Variants in BCHE observed in about 807,000 individuals in gnomAD.
BCHE encodes the protein cholinesterase.
A neutral mutation model predicts 51.3 loss-of-function variants in BCHE; 48 were observed. That is an observed-to-expected ratio of 0.94 (90% CI 0.74 to 1.19). The LOEUF is 1.19. BCHE is among the 50% of genes most tolerant of loss of function. The probability of loss-of-function intolerance (pLI) is 0.00; values close to 1 mark genes in which losing one functional copy is unlikely to be tolerated. For missense variants in BCHE, 847 were observed against 708.2 expected (o/e 1.20, Z -2.23); for synonymous variants, 251 against 238.0 (o/e 1.05, Z -0.50).
chr3:165,798,718 G>A (rs1448417950), intron 2 of BCHE, among the ~76,000 whole-genome samples: 1 of 152,092 alleles, frequency 6.6e-6, no homozygotes, highest in East Asian at 1.9e-4. Context: ...GTGTTGTGGT[G>A]TGTGCTTATA....
rs1344274332 is a variant in BCHE at position 165,772,918 on chromosome 3, TATTTTA to T, written c.*458_*463del. 2 of 152,520 alleles carry T rather than the reference TATTTTA, an allele frequency of 1.3e-5. No individual in the cohort carries two copies. The highest frequency in any genetic ancestry group is 2.9e-5 in the Non-Finnish European group (2 of 68,182). 9.4% of individuals were successfully genotyped at this position (152,520 alleles called of 1,614,324 possible). A position where few individuals can be genotyped will look rare whatever the true frequency, so the allele number is the denominator to read the frequency against. ...AAAGAGACCAATGATTTTCTGTGCTTATTTTAATATCTCATATTGACATTCAATTCT... is the reference window on the plus strand; with the variant it reads ...AAAGAGACCAATGATTTTCTGTGCTTATATCTCATATTGACATTCAATTCT... On this transcript the variant is annotated 3_prime_UTR_variant, in exon 4 of 4. Transcript: ENST00000264381.
intron 3 of BCHE, chr3:165,778,155 A>G (rs1380911932): frequency 6.5e-6 from 1 of 153,040 alleles, no homozygotes; most frequent in South Asian, 2.0e-4. Flanking sequence ...CCAAATTTGC[A>G]TTCAGAGGCA....
intron 2 of BCHE, among the ~76,000 whole-genome samples, chr3:165,813,453 G>T (rs1186865481): frequency 6.6e-6 from 1 of 151,244 alleles, no homozygotes; most frequent in Non-Finnish European, 1.5e-5. Context: ...TCTAAAGTAG[G>T]TTCAAACCTC....
At chr3:165,797,218 T>C (rs1300711309) in intron 2 of BCHE, among the ~76,000 whole-genome samples, 17 of 3,038 alleles carry the variant, frequency 5.6e-3, no homozygotes, top group Non-Finnish European at 6.3e-3. Flanking sequence ...CCTTCCCTCC[T>C]TCCCTCCTTC....
chr3:165,830,455 G>A lies in BCHE; in HGVS notation c.579C>T (p.Asn193=), dbSNP rs746911409. The change falls in exon 2 of 4, where the codon AAC becomes AAT. Residue 193 remains asparagine, a synonymous_variant. Transcript: ENST00000264381. ...CCAACTGTTGATCAAATAAACCCAT[G>A]TTCCCTGGAGCCTCAGGATTTCCTG... is the stretch of plus-strand genomic sequence containing the variant. ...ALPGNPEAPG[N]MGLFDQQLAL... is the part of the protein sequence containing the mutation. The A allele has an allele frequency of 3.1e-6, 5 of 1,613,566 alleles. No individual in the cohort carries two copies. The African/African-American group carries it at 6.7e-5, about 22-fold the overall frequency.
intron 3 of BCHE, among the ~76,000 whole-genome samples, chr3:165,780,996 C>T (rs1712676300): frequency 6.6e-6 from 1 of 152,110 alleles, no homozygotes; most frequent in African/African-American, 2.4e-5. Context: ...AATCCCTGCA[C>T]TTTGGGAGGC....
At chr3:165,813,440 A>G (rs1714185963) in intron 2 of BCHE, among the ~76,000 whole-genome samples, 1 of 151,648 alleles carries the variant, frequency 6.6e-6, no homozygotes, top group Non-Finnish European at 1.5e-5. Context: ...TTATGTGTCT[A>G]TATCTAAAGT....
At chr3:165,811,494 A>G (rs1714092588) in intron 2 of BCHE, among the ~76,000 whole-genome samples, 1 of 152,070 alleles carries the variant, frequency 6.6e-6, no homozygotes, top group Admixed American at 6.6e-5. Flanking sequence ...TATTTTAAAC[A>G]TAAGGGAGGT....
intron 3 of BCHE, among the ~76,000 whole-genome samples, chr3:165,774,774 G>C (rs759228519): frequency 7.2e-5 from 11 of 152,196 alleles, no homozygotes; most frequent in Non-Finnish European, 1.6e-4. Flanking sequence ...GTATATGCAT[G>C]TGTTAGGAGA....
intron 2 of BCHE, among the ~76,000 whole-genome samples, chr3:165,816,907 A>T (rs1224434239): frequency 6.6e-6 from 1 of 152,100 alleles, no homozygotes. Context: ...ACTTTTAGAT[A>T]CCAAATTTAT....
chr3:165,826,525 T>G (rs1341173576), intron 2 of BCHE, among the ~76,000 whole-genome samples: 1 of 152,076 alleles, frequency 6.6e-6, no homozygotes, highest in East Asian at 1.9e-4. Context: ...GGGGGGGACT[T>G]TATTCTGAGG....
At chr3:165,812,543 T>A (rs1339674828) in intron 2 of BCHE, among the ~76,000 whole-genome samples, 1 of 151,994 alleles carries the variant, frequency 6.6e-6, no homozygotes, top group Non-Finnish European at 1.5e-5. Context: ...ATTTTCTGTA[T>A]AATCACATCT....
intron 2 of BCHE, among the ~76,000 whole-genome samples, chr3:165,823,703 TTAAA>T (rs1331606850): frequency 6.6e-6 from 1 of 152,062 alleles, no homozygotes; most frequent in African/African-American, 2.4e-5. Context: ...ATTTAAAGAC[TTAAA>T]TAATCCCAAT....
intron 2 of BCHE, among the ~76,000 whole-genome samples, chr3:165,805,974 G>A (rs1474383338): frequency 2.6e-5 from 4 of 151,974 alleles, no homozygotes; most frequent in Admixed American, 6.6e-5. Context: ...CATTCCCAAA[G>A]TTACTCCCCA....
intron 2 of BCHE, 108 bp downstream of exon 2, chr3:165,829,409 T>G: frequency 9.9e-7 from 1 of 1,012,624 alleles, no homozygotes; most frequent in South Asian, 1.3e-5. Context: ...GAACAAATAA[T>G]TAAAACATTT....
chr3:165,809,114 A>G (rs546550421), intron 2 of BCHE, among the ~76,000 whole-genome samples: 1 of 152,252 alleles, frequency 6.6e-6, no homozygotes, highest in East Asian at 1.9e-4. Context: ...TCAAAATATT[A>G]TTAAATTTTT....
chr3:165,788,035 C>CA (rs1560005356), intron 2 of BCHE, among the ~76,000 whole-genome samples: 3 of 151,882 alleles, frequency 2.0e-5, no homozygotes, highest in East Asian at 1.9e-4. Flanking sequence ...AAGTTCAACA[C>CA]AAAAAATCCT....
rs1714434289 is a variant in BCHE at position 165,819,451 on chromosome 3, A to G, written c.1517+10066T>C. Among the ~76,000 whole-genome samples the G allele has an allele frequency of 4.6e-5, 7 of 152,214 alleles. No individual in the cohort carries two copies. In the South Asian group the frequency reaches 1.4e-3, roughly 32 times the overall value. Reference sequence around the variant, plus strand: ...AAGTAATTAAAATAAATAGTATTACATCTCTTAAAAGTGTTTATAATTTAA... The same window carrying G: ...AAGTAATTAAAATAAATAGTATTACGTCTCTTAAAAGTGTTTATAATTTAA... On this transcript the variant is annotated intron_variant, in intron 2 of 3. Transcript: ENST00000264381.
chr3:165,780,121 A>G (rs1309552943), intron 3 of BCHE, among the ~76,000 whole-genome samples: 1 of 152,138 alleles, frequency 6.6e-6, no homozygotes, highest in Non-Finnish European at 1.5e-5. Context: ...ATCGACAACC[A>G]TTTGTTCTTT....
Sources: allele counts gnomAD v4.1 joint callset (sites outside exome capture counted in the v4.1 genomes callset), GRCh38; gene constraint gnomAD v4.1.1; transcripts MANE v1.5; gene names NCBI Gene and HGNC (gene_info 2026-07-23, HGNC 2026-07-21).